KCTD10: variants seen among roughly 807,000 people sequenced by gnomAD.
The protein encoded by KCTD10 is BTB/POZ domain-containing adapter for CUL3-mediated RhoA degradation protein 3.
In KCTD10, 13 loss-of-function variants were observed where a neutral mutation model predicts 34.6. The ratio of observed to expected loss-of-function variants is 0.38; its 90% CI spans 0.24 to 0.60. The LOEUF (loss-of-function observed/expected upper bound fraction) is 0.60. Ranked by LOEUF, KCTD10 falls within the 20% of genes least tolerant of loss-of-function variation. The pLI is 0.66. For synonymous variants in KCTD10, 156 were observed against 168.8 expected, an observed-to-expected ratio of 0.92 and a Z score of 0.59; for missense variants, 256 against 420.3, an observed-to-expected ratio of 0.61 and a Z score of 3.42.
rs746975410 is a variant in KCTD10, at chr12:109,469,516, T to C, written c.216A>G (p.Glu72=). The stretch of plus-strand genomic sequence containing the variant: ...CAGGCACATGGTGGGTGAGCTTACC[T>C]TCACTGTCGGTGAGCACTTCCATGC... ...SGRMEVLTDS[E]GWILIDRCGK... The change falls in exon 2 of 7, where the codon GAA becomes GAG. Residue 72 remains glutamate (E), a splice_region_variant and synonymous_variant. Coordinates refer to ENST00000228495, the MANE Select transcript of KCTD10 (RefSeq NM_031954.5). The C allele has an allele frequency of 1.9e-5, 31 of 1,613,816 alleles. No homozygotes were observed. The highest frequency in any genetic ancestry group is 2.6e-5 in the Non-Finnish European group (31 of 1,179,912).
At chr12:109,469,950 G>C (rs1389360167) in intron 1 of KCTD10, 1 of 1,246,252 alleles carries the variant, frequency 8.0e-7, no homozygotes. Context: ...GGAACAACTG[G>C]TCAGAGCTGG....
chr12:109,464,370 C>A (rs1873493300), intron 2 of KCTD10, among the ~76,000 whole-genome samples: 1 of 152,170 alleles, frequency 6.6e-6, no homozygotes, highest in Non-Finnish European at 1.5e-5. Context: ...TTAGTTGCAT[C>A]CCTGGCCTCT....
In KCTD10 at chr12:109,458,049, C is replaced by T. The variant is rs58168448; in HGVS notation, c.417G>A (p.Lys139=). The T allele has an allele frequency of 2.2e-3, 3,488 of 1,614,120 alleles. 89 individuals are homozygous for T. In the African/African-American group the frequency reaches 0.042, roughly 20 times the overall value. The change falls in exon 4 of 7, where the codon AAG becomes AAA. Residue 139 remains lysine (K), a synonymous_variant. Transcript: ENST00000228495. ...CCTTGGATGAGGTGATCACAGGGACCTTGCAGAAAGGCTCATAAGTATCTT... is the reference window on the plus strand; with the variant it reads ...CCTTGGATGAGGTGATCACAGGGACTTTGCAGAAAGGCTCATAAGTATCTT... The part of the protein sequence containing the change: ...QNKDTYEPFC[K]VPVITSSKEE...
chr12:109,470,442 T>G, intron 1 of KCTD10: 1 of 985,502 alleles, frequency 1.0e-6, no homozygotes, highest in Non-Finnish European at 1.2e-6. Context: ...GCTGACTCTC[T>G]GTACATCTCA....
At chr12:109,454,733 CAA>C (rs948575448) in intron 6 of KCTD10, among the ~76,000 whole-genome samples, 3 of 152,092 alleles carry the variant, frequency 2.0e-5, no homozygotes, top group Non-Finnish European at 4.4e-5. Context: ...TCTCTCAAAA[CAA>C]AGAGAAAAGA....
chr12:109,464,790 C>A (rs2135666573), intron 2 of KCTD10: 1 of 455,108 alleles, frequency 2.2e-6, no homozygotes. Flanking sequence ...ACCAGATTTG[C>A]AATAATTAAA....
intron 4 of KCTD10, 123 bp downstream of exon 4, chr12:109,457,869 C>T (rs1873106500): frequency 5.9e-6 from 6 of 1,024,160 alleles, no homozygotes; most frequent in Middle Eastern, 2.1e-4. Flanking sequence ...TAGCTTCCCA[C>T]TGTGAACCCA....
intron 1 of KCTD10, among the ~76,000 whole-genome samples, 195 bp downstream of exon 1, chr12:109,477,064 AC>A (rs1036548420): frequency 2.5e-5 from 3 of 119,708 alleles, no homozygotes; most frequent in African/African-American, 9.4e-5. Flanking sequence ...CCCTACCACC[AC>A]CCCCGCCCCT....
intron 2 of KCTD10, among the ~76,000 whole-genome samples, chr12:109,461,086 C>A (rs187645493): frequency 1.3e-5 from 2 of 152,334 alleles, no homozygotes; most frequent in East Asian, 3.9e-4. Flanking sequence ...TTCTGAAGTA[C>A]CCTCAAATAT....
Position 109,460,097 on chromosome 12 carries a change from A to T in KCTD10, c.387+539T>A, listed in dbSNP as rs1281518127. Among the ~76,000 whole-genome samples, 1 of 152,230 alleles carries T rather than the reference A, an allele frequency of 6.6e-6. No individual in the cohort carries two copies. Reference sequence around the variant, plus strand: ...CAAGGGCCTCATGCACACAGACCAGATTCCTACGAAAACCCAAAGGGATGC... The same window carrying T: ...CAAGGGCCTCATGCACACAGACCAGTTTCCTACGAAAACCCAAAGGGATGC... On this transcript the variant is annotated intron_variant, in intron 3 of 6. Transcript: ENST00000228495. The surrounding 1 kb of genome is among the most constrained non-coding windows in gnomAD (Gnocchi z 4.5).
At chr12:109,469,813 G>A in intron 1 of KCTD10, 85 bp from the exon 2 acceptor site, 1 of 1,563,842 alleles carries the variant, frequency 6.4e-7, no homozygotes, top group South Asian at 1.2e-5. Flanking sequence ...CTCCAGATGT[G>A]TTTTGCTTGG....
intron 2 of KCTD10, among the ~76,000 whole-genome samples, chr12:109,461,873 C>T (rs905522230): frequency 6.6e-6 from 1 of 152,228 alleles, no homozygotes; most frequent in East Asian, 1.9e-4. Context: ...AATGCCAGTG[C>T]GCAGGGCCGT....
intron 6 of KCTD10, among the ~76,000 whole-genome samples, chr12:109,452,691 C>T (rs1348167498): frequency 6.6e-6 from 1 of 152,194 alleles, no homozygotes; most frequent in Non-Finnish European, 1.5e-5. Context: ...TAATGCCCAA[C>T]AGTGAGTTTA....
intron 2 of KCTD10, among the ~76,000 whole-genome samples, chr12:109,468,087 C>T (rs573562034): frequency 6.6e-6 from 1 of 152,150 alleles, no homozygotes; most frequent in Admixed American, 6.5e-5. Context: ...CAGATACTCT[C>T]GGGCCATGTG....
intron 1 of KCTD10, among the ~76,000 whole-genome samples, chr12:109,472,574 A>G (rs1239966250): frequency 6.6e-6 from 1 of 152,180 alleles, no homozygotes; most frequent in Non-Finnish European, 1.5e-5. Flanking sequence ...TACATTAACC[A>G]GTGATATATC....
chr12:109,457,548 G>T, intron 5 of KCTD10, 82 bp downstream of exon 5: 1 of 1,186,442 alleles, frequency 8.4e-7, no homozygotes, highest in Non-Finnish European at 1.3e-6. Context: ...TCATCTGAAG[G>T]TACGAAGAAG....
intron 6 of KCTD10, among the ~76,000 whole-genome samples, chr12:109,452,845 C>CTT (rs746503433): frequency 8.3e-5 from 12 of 143,738 alleles, no homozygotes; most frequent in African/African-American, 1.1e-4. Flanking sequence ...GTTTTCTTTC[C>CTT]TTTTTTTTTA....
At chr12:109,469,303 C>T (rs1352429627) in intron 2 of KCTD10, 2 of 587,860 alleles carry the variant, frequency 3.4e-6, no homozygotes, top group Admixed American at 3.1e-5. Context: ...GTCACAGAAG[C>T]ATGGCAGAGA....
rs376523703 is a variant in KCTD10 at position 109,469,525 on chromosome 12, G to T, written c.207C>A (p.Thr69=). Residue 69 remains threonine (T), a synonymous_variant, in exon 2 of 7, where the codon ACC becomes ACA. Coordinates refer to ENST00000228495, the MANE Select transcript of KCTD10 (RefSeq NM_031954.5). ...GGTGGGTGAGCTTACCTTCACTGTC[G>T]GTGAGCACTTCCATGCGCCCGCTGA... is the stretch of plus-strand genomic sequence containing the variant. ...AMFSGRMEVL[T]DSEGWILIDR... 12 of 1,613,904 alleles carry T rather than the reference G, an allele frequency of 7.4e-6. No homozygotes were observed. The highest frequency in any genetic ancestry group is 9.3e-6 in the Non-Finnish European group (11 of 1,179,980).
Sources: allele counts gnomAD v4.1 joint callset (sites outside exome capture counted in the v4.1 genomes callset), GRCh38; gene constraint gnomAD v4.1.1; non-coding constraint Gnocchi (gnomAD v3.1); transcripts MANE v1.5; gene names NCBI Gene and HGNC (gene_info 2026-07-23, HGNC 2026-07-21).